The following TCAF1 variants were observed in gnomAD, a reference collection of about 807,000 sequenced individuals.
The protein encoded by TCAF1 is TRPM8 channel-associated factor 1.
In TCAF1, 4 loss-of-function variants were observed where a neutral mutation model predicts 27.3. The observed-to-expected ratio is 0.15, with a 90% CI of 0.07 to 0.34. The LOEUF (loss-of-function observed/expected upper bound fraction) is 0.34. TCAF1 is among the 10% of genes least tolerant of loss of function. The pLI, the probability that TCAF1 is intolerant of heterozygous loss-of-function variation, is 1.00. For missense variants in TCAF1, 257 were observed against 425.8 expected (o/e 0.60, Z 3.49); for synonymous variants, 105 against 167.1 (o/e 0.63, Z 2.87).
intron 1 of TCAF1, among the ~76,000 whole-genome samples, chr7:143,900,385 G>C (rs1032542483): frequency 6.6e-6 from 1 of 151,584 alleles, no homozygotes; most frequent in African/African-American, 2.4e-5. Context: ...CTTCTCTCTG[G>C]GGGGAGTAAG....
intron 1 of TCAF1, among the ~76,000 whole-genome samples, chr7:143,897,670 T>G (rs1813950959): frequency 6.6e-6 from 1 of 152,088 alleles, no homozygotes; most frequent in Non-Finnish European, 1.5e-5. Flanking sequence ...TTGTTAAATA[T>G]CTTGGAAAAT....
intron 1 of TCAF1, among the ~76,000 whole-genome samples, chr7:143,877,690 G>C (rs1301263241): frequency 6.6e-6 from 1 of 152,222 alleles, no homozygotes; most frequent in Non-Finnish European, 1.5e-5. Flanking sequence ...TCCAAGGACA[G>C]ATGTGTTTTC....
At chr7:143,879,563 T>C (rs1812905490) in intron 1 of TCAF1, among the ~76,000 whole-genome samples, 1 of 152,170 alleles carries the variant, frequency 6.6e-6, no homozygotes, top group Non-Finnish European at 1.5e-5. Flanking sequence ...CAACCTTTCT[T>C]CTAATAACCG....
chr7:143,897,586 T>C (rs1045014400), intron 1 of TCAF1, among the ~76,000 whole-genome samples: 1 of 152,112 alleles, frequency 6.6e-6, no homozygotes. Flanking sequence ...CATTGTTCAA[T>C]GGTCAAATGT....
intron 1 of TCAF1, among the ~76,000 whole-genome samples, chr7:143,883,691 G>A (rs1392875500): frequency 6.6e-6 from 1 of 151,894 alleles, no homozygotes; most frequent in Non-Finnish European, 1.5e-5. Context: ...TTTTTGTAGA[G>A]ACGGGATTTC....
intron 1 of TCAF1, chr7:143,882,572 C>A (rs1813121827): frequency 1.0e-6 from 1 of 985,246 alleles, no homozygotes; most frequent in Admixed American, 6.1e-5. Context: ...TCTCTGTCCC[C>A]GATGATTTCT....
intron 1 of TCAF1, among the ~76,000 whole-genome samples, chr7:143,892,199 TTGAC>T (rs911291837): frequency 2.6e-5 from 4 of 152,112 alleles, no homozygotes; most frequent in Admixed American, 2.0e-4. Flanking sequence ...TAAATGAATA[TTGAC>T]TGTTTAAATA....
chr7:143,884,184 T>C (rs1813266243), intron 1 of TCAF1, among the ~76,000 whole-genome samples: 1 of 152,172 alleles, frequency 6.6e-6, no homozygotes, highest in Non-Finnish European at 1.5e-5. Flanking sequence ...ATCCTAAAAT[T>C]CAATATTTCA....
chr7:143,900,527 C>A (rs770631262), intron 1 of TCAF1, among the ~76,000 whole-genome samples: 1 of 152,138 alleles, frequency 6.6e-6, no homozygotes, highest in East Asian at 1.9e-4. Flanking sequence ...CTCGACCCTA[C>A]GCCTAGCCTT....
rs1811323272 is a variant in TCAF1 at position 143,852,042 on chromosome 7, T to C, written c.*2091A>G. 3 of 152,212 alleles carry C rather than the reference T, an allele frequency of 2.0e-5. No individual in the cohort carries two copies. In the South Asian group the frequency reaches 6.2e-4, roughly 32 times the overall value. The allele number at this position is 152,212 out of a possible 1,614,324, so 9.4% of individuals were successfully genotyped here. On this transcript the variant is annotated 3_prime_UTR_variant, in exon 9 of 9. Transcript: ENST00000479870. ...TTCTTACTGGGAGCCTAGTATAAGC[T>C]AGGATATTTTCTTCCCTACACACCC...
At chr7:143,887,325 T>C (rs1169714474) in intron 1 of TCAF1, among the ~76,000 whole-genome samples, 2 of 152,214 alleles carry the variant, frequency 1.3e-5, no homozygotes, top group Non-Finnish European at 2.9e-5. Context: ...ATTGTCTTAA[T>C]GTATATTTTC....
At chr7:143,892,622 C>A (rs2116855758) in intron 1 of TCAF1, among the ~76,000 whole-genome samples, 1 of 151,192 alleles carries the variant, frequency 6.6e-6, no homozygotes, top group East Asian at 2.0e-4. Context: ...CGGCTCACTG[C>A]AACCTTGCTT....
intron 1 of TCAF1, among the ~76,000 whole-genome samples, chr7:143,901,357 C>T (rs1262885009): frequency 6.6e-6 from 1 of 152,200 alleles, no homozygotes; most frequent in African/African-American, 2.4e-5. Flanking sequence ...ATCTTTTTCT[C>T]CTGTACTTAA....
chr7:143,885,596 A>G lies in TCAF1; in HGVS notation c.-14-8974T>C, dbSNP rs1040979442. The G allele has an allele frequency of 1.6e-5, 16 of 970,414 alleles. No homozygotes were observed. In the African/African-American group the frequency reaches 2.1e-4, roughly 13 times the overall value. The allele number at this position is 970,414 out of a possible 1,614,324, so 60.1% of individuals were successfully genotyped here. ...ATTAACAAGGGAGCGATGGATAAAT[A>G]ATGATGATCTCTGTGTAAAATAATA... On this transcript the variant is annotated intron_variant, in intron 1 of 8. Coordinates refer to ENST00000479870, the MANE Select transcript of TCAF1 (RefSeq NM_014719.3).
chr7:143,896,528 T>C (rs1433657134), intron 1 of TCAF1, among the ~76,000 whole-genome samples: 1 of 152,098 alleles, frequency 6.6e-6, no homozygotes, highest in East Asian at 1.9e-4. Context: ...ACATTCTTTT[T>C]ACGCACACAA....
At chr7:143,879,898 A>G (rs1295471797) in intron 1 of TCAF1, among the ~76,000 whole-genome samples, 2 of 152,088 alleles carry the variant, frequency 1.3e-5, no homozygotes, top group East Asian at 3.8e-4. Flanking sequence ...TGCTGCCTCT[A>G]ACGCTGGCAC....
chr7:143,877,122 T>C (rs999117592), intron 1 of TCAF1, among the ~76,000 whole-genome samples: 6 of 152,100 alleles, frequency 3.9e-5, no homozygotes, highest in Admixed American at 1.3e-4. Flanking sequence ...AGACCAAGAA[T>C]TGCTGGCAAA....
chr7:143,878,661 G>A (rs961017165), intron 1 of TCAF1, among the ~76,000 whole-genome samples: 2 of 152,196 alleles, frequency 1.3e-5, no homozygotes, highest in African/African-American at 4.8e-5. Flanking sequence ...CTATTGAGAA[G>A]ATACTGATAT....
intron 1 of TCAF1, chr7:143,885,083 A>C (rs1383642766): frequency 5.1e-6 from 5 of 985,450 alleles, no homozygotes; most frequent in South Asian, 9.4e-5. Flanking sequence ...GCGCTCCCCA[A>C]GGACCCCGAC....
Sources: gnomAD v4.1 joint callset for allele counts (sites outside exome capture counted in the v4.1 genomes callset) on GRCh38, gnomAD v4.1.1 for gene constraint, MANE v1.5 for transcripts, NCBI Gene and HGNC (gene_info 2026-07-23, HGNC 2026-07-21) for gene names.